The following SHC3 variants were observed in gnomAD, a reference collection of about 807,000 sequenced individuals.
SHC3 encodes SHC adaptor protein 3.
SHC3 carries 15 observed loss-of-function variants against 60.4 expected under a neutral mutation model. The ratio of observed to expected loss-of-function variants is 0.25; its 90% CI spans 0.17 to 0.38. The LOEUF is 0.38. SHC3 is among the 10% of genes least tolerant of loss of function. SHC3 has a pLI of 1.00. For missense variants in SHC3, 677 were observed against 786.1 expected (o/e 0.86, Z 1.66); for synonymous variants, 294 against 325.9 (o/e 0.90, Z 1.05).
rs140708850 is a variant in SHC3, at chr9:89,157,248, C to G, written c.474+20739G>C. ...GATCATTCTGGATTATCGGGTGGCCCATACATATAACCACAGGGTCGTTAT... is the reference window on the plus strand; with the variant it reads ...GATCATTCTGGATTATCGGGTGGCCGATACATATAACCACAGGGTCGTTAT... On this transcript the variant is annotated intron_variant, in intron 1 of 11. Transcript: ENST00000375835. Among the ~76,000 whole-genome samples the G allele has an allele frequency of 9.8e-5, 15 of 152,302 alleles. No homozygotes were observed. In the East Asian group the frequency reaches 2.9e-3, roughly 29 times the overall value.
intron 1 of SHC3, among the ~76,000 whole-genome samples, chr9:89,153,279 C>T (rs1197804856): frequency 6.6e-6 from 1 of 152,174 alleles, no homozygotes; most frequent in African/African-American, 2.4e-5. Context: ...TAAAATCATT[C>T]ATAGGCAATC....
chr9:89,071,521 G>A (rs140794874), intron 4 of SHC3, among the ~76,000 whole-genome samples: 68 of 152,286 alleles, frequency 4.5e-4, no homozygotes, highest in Middle Eastern at 3.4e-3. Flanking sequence ...TACAGGTGAG[G>A]AGCCAGAACC....
chr9:89,127,885 T>A (rs1340015431), intron 1 of SHC3, among the ~76,000 whole-genome samples: 1 of 151,868 alleles, frequency 6.6e-6, no homozygotes, highest in Non-Finnish European at 1.5e-5. Flanking sequence ...ATTTTTGAGA[T>A]CTGTTTTACC....
chr9:89,018,673 GT>G (rs747693410), intron 11 of SHC3, among the ~76,000 whole-genome samples: 24 of 147,386 alleles, frequency 1.6e-4, no homozygotes, highest in African/African-American at 2.5e-4. Flanking sequence ...TGATAAAGTA[GT>G]TTTTTTTTCT....
At chr9:89,110,034 T>C in intron 2 of SHC3, 1 of 985,438 alleles carries the variant, frequency 1.0e-6, no homozygotes, top group Non-Finnish European at 1.2e-6. Flanking sequence ...ACATGAGTGA[T>C]AAATTTCTCC....
intron 6 of SHC3, among the ~76,000 whole-genome samples, chr9:89,059,143 TGTGGTGGAGGATGGTGGTGGAGGACC>T (rs1825015266): frequency 1.1e-5 from 1 of 95,172 alleles, no homozygotes; most frequent in South Asian, 3.9e-4. Flanking sequence ...TGGTGGAGGA[TGTGGTGGAGGATGGTGGTGGAGGACC>T]GTGGTGTAGG....
At chr9:89,156,198 G>T (rs1228880170) in intron 1 of SHC3, among the ~76,000 whole-genome samples, 1 of 152,126 alleles carries the variant, frequency 6.6e-6, no homozygotes, top group African/African-American at 2.4e-5. Context: ...GGACACTCAA[G>T]AATCCCTATG....
chr9:89,077,070 G>A (rs1299945737), intron 3 of SHC3, among the ~76,000 whole-genome samples: 2 of 151,994 alleles, frequency 1.3e-5, no homozygotes, highest in Non-Finnish European at 2.9e-5. Context: ...CCAGCTACTC[G>A]GGAGGCTGAG....
chr9:89,006,808 T>A lies in SHC3; in HGVS notation c.*6639A>T, dbSNP rs1048699834. ...GAACATTCCACTTGCAACCAACACATAGCTGTTAACAAAATTAACCCCATT... is the reference window on the plus strand; with the variant it reads ...GAACATTCCACTTGCAACCAACACAAAGCTGTTAACAAAATTAACCCCATT... On this transcript the variant is annotated 3_prime_UTR_variant, in exon 12 of 12. Transcript: ENST00000375835. 2.6e-5 allele frequency: 4 copies of A among 152,200 alleles called. No individual in the cohort carries two copies. Among genetic ancestry groups the A allele is most frequent in the Non-Finnish European group, 5.9e-5 (4 of 68,030 alleles). 9.4% of individuals were successfully genotyped at this position (152,200 alleles called of 1,614,324 possible).
intron 1 of SHC3, among the ~76,000 whole-genome samples, chr9:89,117,940 A>G (rs1826040193): frequency 6.6e-6 from 1 of 152,132 alleles, no homozygotes; most frequent in South Asian, 2.1e-4. Flanking sequence ...TGAGGTGCCA[A>G]CTTGACAGTA....
At chr9:89,033,723 G>T (rs1824528376) in intron 11 of SHC3, among the ~76,000 whole-genome samples, 1 of 152,176 alleles carries the variant, frequency 6.6e-6, no homozygotes, top group Admixed American at 6.5e-5. Flanking sequence ...GCCACATAAT[G>T]AAGAAATTAA....
At chr9:89,110,081 G>T in intron 2 of SHC3, 3 of 985,326 alleles carry the variant, frequency 3.0e-6, no homozygotes, top group East Asian at 1.1e-4. Context: ...AGAACAAAAA[G>T]GAAACACCTT....
chr9:89,136,362 C>A (rs996662074), intron 1 of SHC3, among the ~76,000 whole-genome samples: 1 of 152,118 alleles, frequency 6.6e-6, no homozygotes, highest in African/African-American at 2.4e-5. Context: ...GAGGTCAGCA[C>A]AAAATACAGG....
At chr9:89,173,173 C>T (rs1410458) in intron 1 of SHC3, among the ~76,000 whole-genome samples, 15,022 of 152,304 alleles carry the variant, frequency 0.099, 864 homozygotes, top group Admixed American at 0.15. Flanking sequence ...ACTAAGCTGG[C>T]GGTGGAGCTG....
chr9:89,032,799 C>A (rs1824512078), intron 11 of SHC3, among the ~76,000 whole-genome samples: 2 of 152,170 alleles, frequency 1.3e-5, no homozygotes, highest in Admixed American at 1.3e-4. Flanking sequence ...AATCTGTTCT[C>A]TGCCAAGTTT....
intron 11 of SHC3, among the ~76,000 whole-genome samples, chr9:89,014,408 A>C (rs1286616483): frequency 6.6e-6 from 1 of 152,176 alleles, no homozygotes; most frequent in East Asian, 1.9e-4. Flanking sequence ...AGGTCTGGAC[A>C]CAATCTCCTG....
intron 7 of SHC3, among the ~76,000 whole-genome samples, chr9:89,050,395 C>T (rs1283625843): frequency 6.6e-6 from 1 of 152,208 alleles, no homozygotes; most frequent in Admixed American, 6.5e-5. Context: ...AAGTGATTCT[C>T]CTGCCTCAGC....
intron 1 of SHC3, among the ~76,000 whole-genome samples, chr9:89,174,855 C>T (rs539435978): frequency 4.3e-4 from 66 of 152,326 alleles, no homozygotes; most frequent in Non-Finnish European, 7.9e-4. Flanking sequence ...CTCCTGTCCC[C>T]TGCACTGTTC....
chr9:89,177,249 T>C (rs1826954000), intron 1 of SHC3, among the ~76,000 whole-genome samples: 1 of 152,212 alleles, frequency 6.6e-6, no homozygotes, highest in African/African-American at 2.4e-5. Flanking sequence ...CGTGATTTTA[T>C]CATCTTTGTG....
Sources: allele counts gnomAD v4.1 joint callset (sites outside exome capture counted in the v4.1 genomes callset), GRCh38; gene constraint gnomAD v4.1.1; transcripts MANE v1.5; gene names NCBI Gene and HGNC (gene_info 2026-07-23, HGNC 2026-07-21).